The following KLF15 variants were observed in gnomAD, a reference collection of about 807,000 sequenced individuals.
KLF15 encodes the protein Krueppel-like factor 15.
A neutral mutation model predicts 24.6 loss-of-function variants in KLF15; 4 were observed. The ratio of observed to expected loss-of-function variants is 0.16; its 90% CI spans 0.08 to 0.37. KLF15 has a LOEUF of 0.37. Among genes scored for constraint, KLF15 ranks in the 10% least tolerant of loss-of-function variants. The pLI is 1.00. For missense variants in KLF15, 496 were observed against 560.6 expected (o/e 0.88, Z 1.16); for synonymous variants, 246 against 236.3 (o/e 1.04, Z -0.37).
the KLF15 span, among the ~76,000 whole-genome samples, chr3:126,304,207 TCA>T: frequency 3.8e-5 from 5 of 131,228 alleles, no homozygotes; most frequent in Non-Finnish European, 9.0e-5. Context: ...GTTCTGGTAC[TCA>T]GTTAAGTTAT....
chr3:126,337,746 T>A (rs7631314), downstream of KLF15, among the ~76,000 whole-genome samples: 9,793 of 152,164 alleles, frequency 0.064, 1,069 homozygotes, highest in African/African-American at 0.22. Context: ...CTATTCTAAG[T>A]GTGTTGCATA....
rs1048208615 is a variant in KLF15 at position 126,343,640 on chromosome 3, C to A, written c.*87G>T. 3.7e-6 allele frequency: 5 copies of A among 1,363,108 alleles called. No homozygotes were observed. The East Asian group carries it at 1.2e-4, about 33-fold the overall frequency. 84.4% of individuals were successfully genotyped at this position (1,363,108 alleles called of 1,614,324 possible). A position where few individuals can be genotyped will look rare whatever the true frequency, so the allele number is the denominator to read the frequency against. On this transcript the variant is annotated 3_prime_UTR_variant, in exon 3 of 3. Coordinates refer to ENST00000296233, the MANE Select transcript of KLF15 (RefSeq NM_014079.4). ...GGGCTGGTAACATTGCCATGTCCCT[C>A]TGGAGGAGGCAAATAAATTATTGCT...
the KLF15 span, among the ~76,000 whole-genome samples, chr3:126,318,960 C>G: frequency 5.9e-5 from 9 of 152,304 alleles, no homozygotes; most frequent in African/African-American, 2.2e-4. Flanking sequence ...GCCTGTTCAT[C>G]CCTCCCTCTC....
At chr3:126,323,450 T>TATATATATAAC in the KLF15 span, among the ~76,000 whole-genome samples, 1 of 94,862 alleles carries the variant, frequency 1.1e-5, no homozygotes, top group African/African-American at 5.3e-5. Context: ...ATATATGTTA[T>TATATATATAAC]ATATATATAT....
At chr3:126,345,529 G>A (rs957014209) in intron 2 of KLF15, among the ~76,000 whole-genome samples, 6 of 148,846 alleles carry the variant, frequency 4.0e-5, no homozygotes, top group Admixed American at 2.0e-4. Context: ...AAACATACAC[G>A]GACGAATATG....
chr3:126,338,596 T>A (rs1380805455), downstream of KLF15, among the ~76,000 whole-genome samples: 1 of 152,228 alleles, frequency 6.6e-6, no homozygotes, highest in Non-Finnish European at 1.5e-5. Flanking sequence ...GTTCATATCA[T>A]GGGGGATTTA....
downstream of KLF15, among the ~76,000 whole-genome samples, chr3:126,340,493 A>G (rs2107548342): frequency 6.6e-6 from 1 of 152,382 alleles, no homozygotes; most frequent in East Asian, 1.9e-4. Context: ...AGACCATCTA[A>G]GCAGAGGAAA....
chr3:126,295,483 C>T, the KLF15 span, among the ~76,000 whole-genome samples: 4 of 152,148 alleles, frequency 2.6e-5, no homozygotes, highest in Admixed American at 1.3e-4. Flanking sequence ...AAGGCCCAAA[C>T]CAACTCAGGA....
At chr3:126,315,051 C>T in the KLF15 span, among the ~76,000 whole-genome samples, 2 of 152,090 alleles carry the variant, frequency 1.3e-5, no homozygotes, top group African/African-American at 4.8e-5. Flanking sequence ...CCAAGTCCCC[C>T]TCCTGGCTCC....
the KLF15 span, among the ~76,000 whole-genome samples, chr3:126,333,080 G>A: frequency 3.0e-5 from 2 of 66,874 alleles, no homozygotes; most frequent in Admixed American, 3.0e-4. Flanking sequence ...ACGCCACAAA[G>A]ATACTCCTCA....
chr3:126,354,893 G>A (rs1321032744), intron 1 of KLF15, among the ~76,000 whole-genome samples: 2 of 152,246 alleles, frequency 1.3e-5, no homozygotes, highest in Non-Finnish European at 2.9e-5. Context: ...CAGTCTGTGA[G>A]ATGGGGGTGC....
chr3:126,354,265 G>A (rs1054327260), intron 1 of KLF15: 1 of 152,338 alleles, frequency 6.6e-6, no homozygotes, highest in Non-Finnish European at 1.5e-5. Context: ...GACCAGGGCA[G>A]GCTGGGTGTT....
chr3:126,353,484 G>T (rs2082604834), intron 1 of KLF15, among the ~76,000 whole-genome samples: 3 of 152,138 alleles, frequency 2.0e-5, no homozygotes, highest in Non-Finnish European at 4.4e-5. Context: ...CAAGCCAACA[G>T]TTACATTCGA....
the KLF15 span, among the ~76,000 whole-genome samples, chr3:126,333,820 A>C: frequency 4.9e-5 from 7 of 141,598 alleles, no homozygotes; most frequent in African/African-American, 1.9e-4. Flanking sequence ...CAAAAGAGAC[A>C]AAGAAGGCCA....
the KLF15 span, among the ~76,000 whole-genome samples, chr3:126,304,044 T>A: frequency 8.0e-3 from 1,224 of 152,352 alleles, 17 homozygotes; most frequent in African/African-American, 0.028. Context: ...CTGTGTCAGT[T>A]CTGATTTGCT....
chr3:126,303,448 A>T, the KLF15 span, among the ~76,000 whole-genome samples: 3 of 152,190 alleles, frequency 2.0e-5, no homozygotes, highest in East Asian at 5.8e-4. Flanking sequence ...TTCAGCATTT[A>T]GATGATATTC....
At chr3:126,334,319 A>G in the KLF15 span, among the ~76,000 whole-genome samples, 1 of 146,246 alleles carries the variant, frequency 6.8e-6, no homozygotes, top group Non-Finnish European at 1.5e-5. Flanking sequence ...CTCCTGAATG[A>G]CTACTGGGTA....
At chr3:126,342,331 C>T (rs926335568), downstream of KLF15, among the ~76,000 whole-genome samples, 2 of 152,148 alleles carry the variant, frequency 1.3e-5, no homozygotes, top group African/African-American at 4.8e-5. Flanking sequence ...GTAGGTGAGC[C>T]TCGCAGGACT....
At chr3:126,336,156 A>G in the KLF15 span, among the ~76,000 whole-genome samples, 4 of 100,618 alleles carry the variant, frequency 4.0e-5, no homozygotes, top group South Asian at 4.4e-4. Context: ...GAGGCATCAC[A>G]CTACCTGACT....
Sources: allele counts gnomAD v4.1 joint callset (sites outside exome capture counted in the v4.1 genomes callset), GRCh38; gene constraint gnomAD v4.1.1; transcripts MANE v1.5; gene names NCBI Gene and HGNC (gene_info 2026-07-23, HGNC 2026-07-21).